Variants in LIMA1 observed in about 807,000 individuals in gnomAD.
LIMA1 encodes LIM domain and actin-binding protein 1.
A neutral mutation model predicts 62.6 loss-of-function variants in LIMA1; 52 were observed. The observed-to-expected ratio is 0.83, with a 90% CI of 0.67 to 1.05. LIMA1 has a LOEUF of 1.05. LIMA1 is among the 50% of genes least tolerant of loss of function. LIMA1 has a pLI of 0.00. For synonymous variants in LIMA1, 302 were observed against 317.8 expected (o/e 0.95, Z 0.53); for missense variants, 780 against 902.2 (o/e 0.86, Z 1.74).
At chr12:50,205,559 G>C (rs1941135711) in intron 5 of LIMA1, among the ~76,000 whole-genome samples, 1 of 151,650 alleles carries the variant, frequency 6.6e-6, no homozygotes, top group Non-Finnish European at 1.5e-5. Flanking sequence ...GTTATCACTG[G>C]TAATACAGGG....
rs1336148189 is a variant in LIMA1 at position 50,262,763 on chromosome 12, G to A, written c.-23-13989C>T. Among the ~76,000 whole-genome samples, 3 of 152,198 alleles carry A rather than the reference G, an allele frequency of 2.0e-5. No individual in the cohort carries two copies. In the East Asian group the frequency reaches 5.8e-4, roughly 29 times the overall value. On this transcript the variant is annotated intron_variant, in intron 1 of 10. Transcript: ENST00000341247. Reference sequence around the variant, plus strand: ...GAGCCCAGGAGGTCAAGGCTGCAGTGGGCCATGATCACACCATTGCACTCC... The same window carrying A: ...GAGCCCAGGAGGTCAAGGCTGCAGTAGGCCATGATCACACCATTGCACTCC...
chr12:50,231,563 C>A (rs1941611494), intron 3 of LIMA1, 102 bp downstream of exon 3: 2 of 1,050,728 alleles, frequency 1.9e-6, no homozygotes, highest in African/African-American at 1.6e-5. Context: ...CAAATGTCCA[C>A]TCAGCTGACA....
intron 1 of LIMA1, among the ~76,000 whole-genome samples, chr12:50,278,659 G>T (rs1816623724): frequency 6.6e-6 from 1 of 152,074 alleles, no homozygotes; most frequent in Admixed American, 6.5e-5. Context: ...GTTCTCAATT[G>T]TTTTCATTTA....
chr12:50,270,604 CAAAAAAAAAAAA>C (rs150300834), intron 1 of LIMA1, among the ~76,000 whole-genome samples: 3 of 71,696 alleles, frequency 4.2e-5, no homozygotes, highest in East Asian at 5.3e-4. Flanking sequence ...GACCTTATCT[CAAAAAAAAAAAA>C]AAAAAAAAAA....
rs535720633 is a variant in LIMA1 at position 50,229,317 on chromosome 12, G to A, written c.165+2348C>T. Among the ~76,000 whole-genome samples the A allele has an allele frequency of 5.3e-5, 8 of 152,164 alleles. No individual in the cohort carries two copies. The East Asian group carries it at 5.8e-4, about 11-fold the overall frequency. ...CACCTCGGCCTCCTGCGATCCTCCC[G>A]CCTTGGCCTCCTAAAGTGCTGGGAT... is the stretch of plus-strand genomic sequence containing the variant. On this transcript the variant is annotated intron_variant, in intron 3 of 10. Coordinates refer to ENST00000341247, the MANE Select transcript of LIMA1 (RefSeq NM_016357.5).
chr12:50,193,648 G>GTA (rs1228141349), intron 8 of LIMA1, among the ~76,000 whole-genome samples: 817 of 55,424 alleles, frequency 0.015, 22 homozygotes, highest in South Asian at 0.032. Context: ...GTGTGTGTGT[G>GTA]TGTATATATA....
intron 1 of LIMA1, among the ~76,000 whole-genome samples, chr12:50,263,843 T>C (rs1361614771): frequency 1.9e-5 from 2 of 102,610 alleles, no homozygotes; most frequent in African/African-American, 8.9e-5. Context: ...AGTATATATA[T>C]ATATATATAG....
Position 50,177,595 on chromosome 12 carries a change from T to G in LIMA1, c.1749A>C (p.Ser583=), listed in dbSNP as rs747897491. Residue 583 remains serine (S), a synonymous_variant, in exon 11 of 11, where the codon TCA becomes TCC. Coordinates refer to ENST00000341247, the MANE Select transcript of LIMA1 (RefSeq NM_016357.5). ...TGAATGGGCGGCTTCTTTCCTTCAG[T>G]GAAGAAGATCGTCTTAGCTTCTTCA... The part of the protein sequence containing the change: ...LDLKKLRRSS[S]LKERSRPFTV... 4.3e-6 allele frequency: 7 copies of G among 1,611,378 alleles called. No homozygotes were observed. Among genetic ancestry groups the G allele is most frequent in the Admixed American group, 1.7e-5 (1 of 59,502 alleles).
chr12:50,203,288 T>C (rs116098377), intron 6 of LIMA1, among the ~76,000 whole-genome samples: 10 of 152,222 alleles, frequency 6.6e-5, no homozygotes, highest in African/African-American at 2.2e-4. Context: ...GTGTTGGGAT[T>C]ACGGTGTGAG....
At chr12:50,205,410 G>T (rs1028871862) in intron 5 of LIMA1, among the ~76,000 whole-genome samples, 30 of 152,092 alleles carry the variant, frequency 2.0e-4, no homozygotes, top group Non-Finnish European at 2.5e-4. Context: ...ACATGAAAAA[G>T]AAGAGATCTC....
intron 3 of LIMA1, among the ~76,000 whole-genome samples, chr12:50,227,053 C>A (rs1392935365): frequency 6.6e-6 from 1 of 151,390 alleles, no homozygotes; most frequent in East Asian, 1.9e-4. Flanking sequence ...TTTCACCCAC[C>A]ATATAGATTA....
intron 4 of LIMA1, among the ~76,000 whole-genome samples, chr12:50,213,606 CATT>C (rs1218552604): frequency 1.3e-5 from 2 of 152,228 alleles, no homozygotes; most frequent in African/African-American, 4.8e-5. Flanking sequence ...ATTTCTCACT[CATT>C]GTAACTCACT....
intron 3 of LIMA1, among the ~76,000 whole-genome samples, chr12:50,231,331 A>G (rs1347769588): frequency 6.6e-6 from 1 of 152,184 alleles, no homozygotes; most frequent in Non-Finnish European, 1.5e-5. Flanking sequence ...AGAAGTTCTG[A>G]TTGTCTGATT....
intron 4 of LIMA1, among the ~76,000 whole-genome samples, chr12:50,207,705 A>G (rs1941178198): frequency 6.6e-6 from 1 of 152,054 alleles, no homozygotes; most frequent in Non-Finnish European, 1.5e-5. Context: ...ACTGGGCAAC[A>G]TGGTGAGACC....
chr12:50,236,271 A>G (rs1941691847), intron 2 of LIMA1, among the ~76,000 whole-genome samples: 1 of 151,560 alleles, frequency 6.6e-6, no homozygotes, highest in Non-Finnish European at 1.5e-5. Context: ...ACAACATTTT[A>G]CCTATTAAGT....
intron 1 of LIMA1, among the ~76,000 whole-genome samples, chr12:50,259,988 TAC>T (rs1272084107): frequency 6.6e-6 from 1 of 152,132 alleles, no homozygotes; most frequent in East Asian, 1.9e-4. Flanking sequence ...CCTCTTTTCC[TAC>T]CTCCACTCTT....
At chr12:50,210,430 A>G (rs932291820) in intron 4 of LIMA1, among the ~76,000 whole-genome samples, 3 of 151,812 alleles carry the variant, frequency 2.0e-5, no homozygotes, top group South Asian at 4.1e-4. Flanking sequence ...AAAAAAAAAA[A>G]AAAAAGAAAA....
intron 9 of LIMA1, among the ~76,000 whole-genome samples, chr12:50,190,534 ATTT>A (rs11359577): frequency 4.0e-5 from 5 of 124,080 alleles, no homozygotes; most frequent in African/African-American, 1.3e-4. Context: ...TGCCCGGCTA[ATTT>A]TTTTTTTTTT....
chr12:50,200,423 A>G (rs551966103), intron 7 of LIMA1, among the ~76,000 whole-genome samples: 2 of 151,220 alleles, frequency 1.3e-5, no homozygotes, highest in African/African-American at 4.9e-5. Flanking sequence ...CTGGTCTCGA[A>G]CTCCTGACCT....
Sources: allele counts gnomAD v4.1 joint callset (sites outside exome capture counted in the v4.1 genomes callset), GRCh38; gene constraint gnomAD v4.1.1; transcripts MANE v1.5; gene names NCBI Gene and HGNC (gene_info 2026-07-23, HGNC 2026-07-21).